TNS3: variants seen among roughly 807,000 people sequenced by gnomAD.
TNS3 encodes the protein tensin 3.
TNS3 carries 45 observed loss-of-function variants against 140.9 expected under a neutral mutation model. That is an observed-to-expected ratio of 0.32 (90% CI 0.25 to 0.41). TNS3 has a LOEUF of 0.41. TNS3 is among the 10% of genes least tolerant of loss of function. TNS3 has a pLI of 1.00. For synonymous variants in TNS3, 815 were observed against 788.4 expected (o/e 1.03, Z -0.56); for missense variants, 1,716 against 1,906.7 (o/e 0.90, Z 1.86).
chr7:47,582,358 C>G (rs936472339), upstream of TNS3: 2 of 451,924 alleles, frequency 4.4e-6, no homozygotes, highest in African/African-American at 4.0e-5. Context: ...AATTATCAGA[C>G]CCATTGAGCA....
chr7:47,358,659 G>C (rs898941458), intron 17 of TNS3, among the ~76,000 whole-genome samples: 16 of 152,216 alleles, frequency 1.1e-4, no homozygotes, highest in African/African-American at 3.9e-4. Flanking sequence ...GGTGCACAGA[G>C]AGGGCTCACC....
chr7:47,488,689 A>G (rs1797699820), intron 3 of TNS3, among the ~76,000 whole-genome samples: 2 of 152,216 alleles, frequency 1.3e-5, no homozygotes, highest in Non-Finnish European at 2.9e-5. Context: ...TTGGGGAAAC[A>G]AAATGCAACC....
At chr7:47,320,007 A>C (rs1787638782) in intron 20 of TNS3, among the ~76,000 whole-genome samples, 1 of 152,230 alleles carries the variant, frequency 6.6e-6, no homozygotes, top group South Asian at 2.1e-4. Context: ...AGCTTCACTT[A>C]AACCCTTCAC....
chr7:47,462,409 C>A (rs149787729), intron 4 of TNS3, among the ~76,000 whole-genome samples: 1 of 152,148 alleles, frequency 6.6e-6, no homozygotes, highest in South Asian at 2.1e-4. Flanking sequence ...TAAGCCACTG[C>A]GCCTGGCCGA....
intron 1 of TNS3, among the ~76,000 whole-genome samples, chr7:47,545,344 T>C (rs1799893034): frequency 6.6e-6 from 1 of 152,132 alleles, no homozygotes; most frequent in Non-Finnish European, 1.5e-5. Context: ...TTCACCATAT[T>C]GGCCAGACTG....
rs140583305 is a variant in TNS3 at position 47,546,827 on chromosome 7, C to T, written c.-264-17680G>A. Among the ~76,000 whole-genome samples, 5 of 152,284 alleles carry T rather than the reference C, an allele frequency of 3.3e-5. No homozygotes were observed. The East Asian group carries it at 7.7e-4, about 24-fold the overall frequency. ...ATAAACTACGCGTGTGCCAAGACCA[C>T]GGTCTCTCAGTGTGTGCGCTCAGCA... On this transcript the variant is annotated intron_variant, in intron 1 of 30. Coordinates refer to ENST00000311160, the MANE Select transcript of TNS3 (RefSeq NM_022748.12).
chr7:47,411,515 T>TA (rs199674764), intron 13 of TNS3, among the ~76,000 whole-genome samples: 2,722 of 152,332 alleles, frequency 0.018, 89 homozygotes, highest in African/African-American at 0.062. Context: ...GCTCGCTCGC[T>TA]GGCCCGGTTC....
intron 20 of TNS3, among the ~76,000 whole-genome samples, chr7:47,317,428 T>C (rs1288589287): frequency 3.3e-5 from 5 of 152,386 alleles, no homozygotes; most frequent in Non-Finnish European, 7.3e-5. Context: ...GTCCCATTTA[T>C]ATTCAAGGTT....
chr7:47,378,862 C>T (rs1791576505), intron 16 of TNS3, among the ~76,000 whole-genome samples: 1 of 152,202 alleles, frequency 6.6e-6, no homozygotes, highest in South Asian at 2.1e-4. Context: ...TTTGCTAGGT[C>T]AACTGACACA....
rs745972125 is a variant in TNS3, at chr7:47,400,472, T to C, written c.854-14A>G. On this transcript the variant is annotated splice_polypyrimidine_tract_variant and intron_variant, in intron 14 of 30. Coordinates refer to ENST00000311160, the MANE Select transcript of TNS3 (RefSeq NM_022748.12). The stretch of plus-strand genomic sequence containing the variant: ...GAAAACGGTCATCTGAAAAAAACAA[T>C]GTATTTTAACACATTTGTGGAGACA... 1 of 1,613,500 alleles carries C rather than the reference T, an allele frequency of 6.2e-7. No homozygotes were observed. Among genetic ancestry groups the C allele is most frequent in the Admixed American group, 1.7e-5 (1 of 60,012 alleles).
Position 47,275,626 on chromosome 7 carries a change from G to C in TNS3, c.*2450C>G, listed in dbSNP as rs1784839679. On this transcript the variant is annotated 3_prime_UTR_variant, in exon 31 of 31. Coordinates refer to ENST00000311160, the MANE Select transcript of TNS3 (RefSeq NM_022748.12). Reference sequence around the variant, plus strand: ...TACAATCTGTGATGACACACAGCTTGTTCTGTTTAATGCACATGTAACACA... The same window carrying C: ...TACAATCTGTGATGACACACAGCTTCTTCTGTTTAATGCACATGTAACACA... 2 of 359,660 alleles carry C rather than the reference G, an allele frequency of 5.6e-6. No homozygotes were observed. The highest frequency in any genetic ancestry group is 4.2e-5 in the South Asian group (2 of 47,254). The allele number at this position is 359,660 out of a possible 1,614,324, so 22.3% of individuals were successfully genotyped here.
intron 20 of TNS3, among the ~76,000 whole-genome samples, chr7:47,337,180 C>G (rs979742536): frequency 3.3e-5 from 5 of 152,256 alleles, no homozygotes; most frequent in Admixed American, 2.6e-4. Flanking sequence ...GATCCTTTTG[C>G]TCTATTCCTC....
chr7:47,370,308 T>A (rs1394821361), intron 16 of TNS3, among the ~76,000 whole-genome samples: 1 of 152,042 alleles, frequency 6.6e-6, no homozygotes. Flanking sequence ...AAAAACTGAA[T>A]GTCTGCTCAA....
At chr7:47,402,663 C>T (rs1056188047) in intron 13 of TNS3, among the ~76,000 whole-genome samples, 25 of 152,128 alleles carry the variant, frequency 1.6e-4, no homozygotes, top group African/African-American at 5.8e-4. Flanking sequence ...GTCCTTCTGG[C>T]CAAGGGTAAA....
chr7:47,346,204 G>T lies in TNS3; in HGVS notation c.2434C>A (p.Pro812Thr). ...GCACATACCTCTTTGACGTCCGCTG[G>T]TGAGGGGAATGGCGGCAGGTTTGGG... is the stretch of plus-strand genomic sequence containing the variant. The part of the protein sequence containing the change: ...YAPNLPPFPS[P>T]ADVKETMTPG... The change falls in exon 18 of 31, where the codon CCA becomes ACA. Residue 812 changes from proline to threonine, a missense_variant. By Grantham distance (38) the Pro-to-Thr change is conservative. This residue lies in a region of TNS3 where 1,163 missense variants were observed against 1,182.1 expected (regional missense o/e 0.98). Coordinates refer to ENST00000311160, the MANE Select transcript of TNS3 (RefSeq NM_022748.12). 1.2e-6 allele frequency: 2 copies of T among 1,614,202 alleles called. No individual in the cohort carries two copies. The highest frequency in any genetic ancestry group is 1.7e-6 in the Non-Finnish European group (2 of 1,180,024).
chr7:47,368,664 G>A lies in TNS3; in HGVS notation c.1982C>T (p.Pro661Leu), dbSNP rs1790855520. ...PHPPDTQQPS[P>L]SKAFKPRFPG... ...AAACCTGGGTTTGAACGCTTTGCTG[G>A]GAGAGGGCTGCTGTGTGTCAGGGGG... The change falls in exon 17 of 31, where the codon CCC becomes CTC. Residue 661 changes from proline to leucine, a missense_variant. By Grantham distance (98) the Pro-to-Leu change is moderately conservative (BLOSUM62 -3). This residue lies in a region of TNS3 where 1,163 missense variants were observed against 1,182.1 expected (regional missense o/e 0.98). Transcript: ENST00000311160. 2 of 1,600,534 alleles carry A rather than the reference G, an allele frequency of 1.2e-6. No individual in the cohort carries two copies. The highest frequency in any genetic ancestry group is 1.3e-5 in the African/African-American group (1 of 74,840).
chr7:47,530,549 C>G (rs571557335), intron 1 of TNS3, among the ~76,000 whole-genome samples: 2 of 151,748 alleles, frequency 1.3e-5, no homozygotes, highest in Non-Finnish European at 2.9e-5. Flanking sequence ...CTTGGCCAGG[C>G]TCGGTGGCTC....
At chr7:47,439,744 A>C in intron 5 of TNS3, 86 bp from the exon 6 acceptor site, 1 of 1,420,180 alleles carries the variant, frequency 7.0e-7, no homozygotes, top group Non-Finnish European at 9.6e-7. Flanking sequence ...GACGACGGAC[A>C]CTCATCCCCT....
At chr7:47,451,660 AG>A (rs1796021736) in intron 4 of TNS3, among the ~76,000 whole-genome samples, 1 of 152,218 alleles carries the variant, frequency 6.6e-6, no homozygotes, top group Non-Finnish European at 1.5e-5. Flanking sequence ...CCCGGTGACG[AG>A]AGACACAGAT....
Sources: gnomAD v4.1 joint callset for allele counts (sites outside exome capture counted in the v4.1 genomes callset) on GRCh38, gnomAD v4.1.1 for gene constraint, gnomAD v4.1.1 regional missense constraint, MANE v1.5 for transcripts, NCBI Gene and HGNC (gene_info 2026-07-23, HGNC 2026-07-21) for gene names.